The following CDC42BPA variants were observed in gnomAD, a reference collection of about 807,000 sequenced individuals.
CDC42BPA encodes serine/threonine-protein kinase MRCK alpha.
CDC42BPA carries 80 observed loss-of-function variants against 223.5 expected under a neutral mutation model. The ratio of observed to expected loss-of-function variants is 0.36; its 90% CI spans 0.30 to 0.43. CDC42BPA has a LOEUF of 0.43. Among genes scored for constraint, CDC42BPA ranks in the 20% least tolerant of loss-of-function variants. The pLI is 1.00. For synonymous variants in CDC42BPA, 694 were observed against 718.6 expected (o/e 0.97, Z 0.55); for missense variants, 1,743 against 2,099.9 (o/e 0.83, Z 3.32).
chr1:227,124,396 A>G (rs527948413), intron 11 of CDC42BPA, among the ~76,000 whole-genome samples: 5 of 152,060 alleles, frequency 3.3e-5, no homozygotes, highest in African/African-American at 1.2e-4. Context: ...CTTTGGAGGT[A>G]TATTTTTTTT....
intron 3 of CDC42BPA, among the ~76,000 whole-genome samples, chr1:227,202,804 T>C (rs1423014144): frequency 6.7e-6 from 1 of 148,694 alleles, no homozygotes; most frequent in Non-Finnish European, 1.5e-5. Context: ...GGCATGCACC[T>C]CTGTAGTCCT....
At chr1:227,027,458 A>C (rs1668474281) in intron 30 of CDC42BPA, among the ~76,000 whole-genome samples, 1 of 151,968 alleles carries the variant, frequency 6.6e-6, no homozygotes, top group South Asian at 2.1e-4. Context: ...CTGTCTTCTG[A>C]ATTTTGTCCT....
At chr1:227,278,775 A>G (rs1687541875) in intron 1 of CDC42BPA, among the ~76,000 whole-genome samples, 1 of 152,144 alleles carries the variant, frequency 6.6e-6, no homozygotes, top group South Asian at 2.1e-4. Context: ...ATTAAAGAGG[A>G]GCATGACAGG....
chr1:227,112,769 G>A lies in CDC42BPA; in HGVS notation c.1792C>T (p.Arg598Cys), dbSNP rs1032551894. ...ELHTQKQKLA[R>C]HVRDKEEEVD... ...TCTTCTTCCTTATCTCGGACATGGCGAGCAAGTTTCTGTTTTTGGGTGTGC... is the reference window on the plus strand; with the variant it reads ...TCTTCTTCCTTATCTCGGACATGGCAAGCAAGTTTCTGTTTTTGGGTGTGC... The change falls in exon 13 of 37, where the codon CGC becomes TGC. Residue 598 changes from arginine to cysteine, a missense_variant. Arg to Cys is a radical substitution (Grantham distance 180). This residue lies in a region of CDC42BPA where 464 missense variants were observed against 488.0 expected (regional missense o/e 0.95). Transcript: ENST00000366766. 1.2e-5 allele frequency: 20 copies of A among 1,613,800 alleles called. No individual in the cohort carries two copies. The highest frequency in any genetic ancestry group is 1.6e-4 in the Middle Eastern group (1 of 6,084).
At chr1:227,252,154 T>C (rs35738984) in intron 2 of CDC42BPA, among the ~76,000 whole-genome samples, 31,133 of 151,676 alleles carry the variant, frequency 0.21, 3,286 homozygotes, top group East Asian at 0.26. Context: ...AAAGAAAATA[T>C]TATAAAGTGC....
chr1:227,158,800 T>C (rs1663305360), intron 6 of CDC42BPA, among the ~76,000 whole-genome samples: 1 of 152,204 alleles, frequency 6.6e-6, no homozygotes. Context: ...AAGCCTCATA[T>C]GGTCTTGTGG....
At position 227,025,934 on chromosome 1, in the gene CDC42BPA, C is replaced by T; in HGVS notation, c.4530+121G>A. 4 of 594,198 alleles carry T rather than the reference C, an allele frequency of 6.7e-6. No individual in the cohort carries two copies. The East Asian group carries it at 9.6e-5, about 14-fold the overall frequency. The allele number at this position is 594,198 out of a possible 1,614,324, so 36.8% of individuals were successfully genotyped here. ...CTATTTTCTCACTCTTAGCTAAGTC[C>T]CAAACTGCCAATTACACATTCCAGA... is the stretch of plus-strand genomic sequence containing the variant. On this transcript the variant is annotated intron_variant, in intron 31 of 36. Coordinates refer to ENST00000366766, the MANE Select transcript of CDC42BPA (RefSeq NM_001394014.1).
chr1:227,032,437 T>C (rs969287199), intron 27 of CDC42BPA, among the ~76,000 whole-genome samples: 2 of 151,952 alleles, frequency 1.3e-5, no homozygotes, highest in Non-Finnish European at 2.9e-5. Flanking sequence ...AATTGGGCAG[T>C]AGTTTTTTTT....
chr1:227,291,417 C>T (rs1689674576), intron 1 of CDC42BPA, among the ~76,000 whole-genome samples: 1 of 152,056 alleles, frequency 6.6e-6, no homozygotes, highest in Non-Finnish European at 1.5e-5. Context: ...GGCATGGTGG[C>T]ACGCGCCTGT....
At chr1:227,311,473 T>C (rs1693527047) in intron 1 of CDC42BPA, among the ~76,000 whole-genome samples, 2 of 152,284 alleles carry the variant, frequency 1.3e-5, no homozygotes, top group Non-Finnish European at 2.9e-5. Context: ...CACCTACATC[T>C]ACCCTAGAGT....
intron 4 of CDC42BPA, among the ~76,000 whole-genome samples, chr1:227,194,740 T>A (rs1211183510): frequency 6.6e-6 from 1 of 152,214 alleles, no homozygotes; most frequent in African/African-American, 2.4e-5. Flanking sequence ...ATATTATTTT[T>A]AAGTGAGGGA....
At chr1:227,199,773 G>A in intron 3 of CDC42BPA, 121 bp from the exon 4 acceptor site, 1 of 498,134 alleles carries the variant, frequency 2.0e-6, no homozygotes, top group Non-Finnish European at 3.5e-6. Flanking sequence ...GATATTATAA[G>A]ACATTTCAAT....
intron 12 of CDC42BPA, among the ~76,000 whole-genome samples, chr1:227,118,929 C>T (rs1049642784): frequency 4.6e-5 from 7 of 151,978 alleles, no homozygotes; most frequent in East Asian, 1.9e-4. Flanking sequence ...TCTTTAATAG[C>T]GTTCTCTTTT....
At chr1:227,225,651 A>G (rs1017796386) in intron 2 of CDC42BPA, among the ~76,000 whole-genome samples, 1 of 152,196 alleles carries the variant, frequency 6.6e-6, no homozygotes, top group Non-Finnish European at 1.5e-5. Flanking sequence ...AAACTCATTC[A>G]TCTCCTGACT....
chr1:227,281,932 G>A (rs1019364220), intron 1 of CDC42BPA, among the ~76,000 whole-genome samples: 1 of 152,202 alleles, frequency 6.6e-6, no homozygotes, highest in Non-Finnish European at 1.5e-5. Flanking sequence ...GCTCACGCCT[G>A]TAATCCCAGC....
chr1:226,991,735 C>T lies in CDC42BPA; in HGVS notation c.*2533G>A, dbSNP rs1473626835. 1.3e-5 allele frequency: 2 copies of T among 151,946 alleles called. No individual in the cohort carries two copies. The highest frequency in any genetic ancestry group is 2.9e-5 in the Non-Finnish European group (2 of 68,026). The allele number at this position is 151,946 out of a possible 1,614,324, so 9.4% of individuals were successfully genotyped here. A position where few individuals can be genotyped will look rare whatever the true frequency, so the allele number is the denominator to read the frequency against. On this transcript the variant is annotated 3_prime_UTR_variant, in exon 37 of 37. Transcript: ENST00000366766. ...CCTGTTGGGAGGCTGAAGAGTATGA[C>T]CCATAGCAGTGGAGCTAGACTTTAG...
intron 14 of CDC42BPA, among the ~76,000 whole-genome samples, chr1:227,110,155 T>C (rs1447492615): frequency 6.6e-6 from 1 of 152,186 alleles, no homozygotes; most frequent in African/African-American, 2.4e-5. Flanking sequence ...ATTGATCTTG[T>C]GTGCATATGT....
At position 227,041,675 on chromosome 1, in the gene CDC42BPA, G is replaced by C. The variant is rs554084472; in HGVS notation, c.3094-1439C>G. On this transcript the variant is annotated intron_variant, in intron 23 of 36. Transcript: ENST00000366766. Reference sequence around the variant, plus strand: ...AACCTGACTACCAGCATTAGTCAGAGAATGGGGTGAGAGTCTCAAATTTAG... The same window carrying C: ...AACCTGACTACCAGCATTAGTCAGACAATGGGGTGAGAGTCTCAAATTTAG... 1.2e-4 allele frequency among the ~76,000 whole-genome samples: 18 copies of C among 152,322 alleles called. No homozygotes were observed. In the South Asian group the frequency reaches 3.7e-3, roughly 32 times the overall value.
chr1:227,276,736 ATTC>A (rs1687141541), intron 1 of CDC42BPA, among the ~76,000 whole-genome samples: 1 of 152,244 alleles, frequency 6.6e-6, no homozygotes, highest in Admixed American at 6.5e-5. Context: ...ACTAAGAAAA[ATTC>A]TTCTGCCTTG....
Sources: allele counts gnomAD v4.1 joint callset (sites outside exome capture counted in the v4.1 genomes callset), GRCh38; gene constraint gnomAD v4.1.1; regional missense constraint gnomAD v4.1.1; transcripts MANE v1.5; gene names NCBI Gene and HGNC (gene_info 2026-07-23, HGNC 2026-07-21).